OR2A5: variants seen among roughly 807,000 people sequenced by gnomAD.
The protein encoded by OR2A5 is olfactory receptor 2A5.
A neutral mutation model predicts 1.9 loss-of-function variants in OR2A5; 2 were observed. That is an observed-to-expected ratio of 1.04 (90% CI 0.43 to 3.28). The LOEUF (loss-of-function observed/expected upper bound fraction) is 3.28. Ranked by LOEUF, OR2A5 falls within the 30% of genes most tolerant of loss-of-function variation. The pLI is 0.08. For missense variants in OR2A5, 391 were observed against 375.9 expected (o/e 1.04, Z -0.33); for synonymous variants, 160 against 154.5 (o/e 1.04, Z -0.26).
Position 144,051,403 on chromosome 7 carries a change from G to A in OR2A5, c.*66G>A. The A allele has an allele frequency of 8.1e-7, 1 of 1,234,584 alleles. No individual in the cohort carries two copies. The highest frequency in any genetic ancestry group is 1.1e-6 in the Non-Finnish European group (1 of 874,638). The allele number at this position is 1,234,584 out of a possible 1,614,324, so 76.5% of individuals were successfully genotyped here. A position where few individuals can be genotyped will look rare whatever the true frequency, so the allele number is the denominator to read the frequency against. On this transcript the variant is annotated 3_prime_UTR_variant, in exon 2 of 2. Coordinates refer to ENST00000641693, the MANE Select transcript of OR2A5 (RefSeq NM_012365.2). ...CAATGAGATTTGTAGGAACAGTGGTGTAAATGCCTTACAGTCTCATCTCTT... is the reference window on the plus strand; with the variant it reads ...CAATGAGATTTGTAGGAACAGTGGTATAAATGCCTTACAGTCTCATCTCTT...
At position 144,050,944 on chromosome 7, in the gene OR2A5, C is replaced by T. The variant is rs753278713; in HGVS notation, c.543C>T (p.Ile181=). The T allele has an allele frequency of 1.2e-6, 2 of 1,614,078 alleles. No individual in the cohort carries two copies. ...PHEINHFFCE[I]LSVLKLACAD... is the part of the protein sequence containing the mutation. ...AAATCAACCACTTCTTCTGTGAAAT[C>T]CTGTCTGTCCTCAAGTTGGCCTGTG... Residue 181 remains isoleucine (I), a synonymous_variant, in exon 2 of 2, where the codon ATC becomes ATT. Transcript: ENST00000641693.
chr7:144,054,582 G>T lies in OR2A5; in HGVS notation c.*3245G>T, dbSNP rs2050926298. The T allele has an allele frequency of 6.6e-6, 1 of 152,104 alleles. No individual in the cohort carries two copies. 9.4% of individuals were successfully genotyped at this position (152,104 alleles called of 1,614,324 possible). A position where few individuals can be genotyped will look rare whatever the true frequency, so the allele number is the denominator to read the frequency against. ...TCTGTGCCTGTCTTTGTTTTTATTTGGTTGGTGATATTGGGGAAGGTCTCC... is the reference window on the plus strand; with the variant it reads ...TCTGTGCCTGTCTTTGTTTTTATTTTGTTGGTGATATTGGGGAAGGTCTCC... On this transcript the variant is annotated 3_prime_UTR_variant, in exon 2 of 2. Transcript: ENST00000641693.
Position 144,058,160 on chromosome 7 carries a change from G to C in OR2A5, c.*6823G>C, listed in dbSNP as rs2961117. 0.31 allele frequency: 46,421 copies of C among 152,028 alleles called. 7,610 individuals carry two copies. Among genetic ancestry groups the C allele is most frequent in the African/African-American group, 0.37 (15,455 of 41,416 alleles). The allele number at this position is 152,028 out of a possible 1,614,324, so 9.4% of individuals were successfully genotyped here. A position where few individuals can be genotyped will look rare whatever the true frequency, so the allele number is the denominator to read the frequency against. On this transcript the variant is annotated 3_prime_UTR_variant, in exon 2 of 2. Transcript: ENST00000641693. ...GTGATTACAGCCACATGAGTCACTG[G>C]TCAGCTCAGCGGCTATCCCGACCTG...
rs2050906906 is a variant in OR2A5, at chr7:144,051,532, G to A, written c.*195G>A. On this transcript the variant is annotated 3_prime_UTR_variant, in exon 2 of 2. Coordinates refer to ENST00000641693, the MANE Select transcript of OR2A5 (RefSeq NM_012365.2). Reference sequence around the variant, plus strand: ...GCAGACAGGCGCTGAGCCGTGTGGTGCAGCAGAGGTGCAAAGTGCCATGAA... The same window carrying A: ...GCAGACAGGCGCTGAGCCGTGTGGTACAGCAGAGGTGCAAAGTGCCATGAA... 7.1e-6 allele frequency: 4 copies of A among 564,906 alleles called. No individual in the cohort carries two copies. The highest frequency in any genetic ancestry group is 3.7e-5 in the African/African-American group (2 of 53,356). 35.0% of individuals were successfully genotyped at this position (564,906 alleles called of 1,614,324 possible). A position where few individuals can be genotyped will look rare whatever the true frequency, so the allele number is the denominator to read the frequency against.
At position 144,058,104 on chromosome 7, in the gene OR2A5, C is replaced by T. The variant is rs1286812156; in HGVS notation, c.*6767C>T. 1 of 152,240 alleles carries T rather than the reference C, an allele frequency of 6.6e-6. No individual in the cohort carries two copies. Among genetic ancestry groups the T allele is most frequent in the Non-Finnish European group, 1.5e-5 (1 of 68,046 alleles). The allele number at this position is 152,240 out of a possible 1,614,324, so 9.4% of individuals were successfully genotyped here. ...ATCCACTCCTCAGTGGCTTCACCAG[C>T]CTTTCAGCCAGATACAAGGCTGTTG... On this transcript the variant is annotated 3_prime_UTR_variant, in exon 2 of 2. Transcript: ENST00000641693.
rs192703295 is a variant in OR2A5, at chr7:144,054,805, C to A, written c.*3468C>A. ...AAATAATTAGTCCATAGCTTTGTTA[C>A]GTTCATTCTCCTACCCACACACTAA... On this transcript the variant is annotated 3_prime_UTR_variant, in exon 2 of 2. Transcript: ENST00000641693. 6.6e-6 allele frequency: 1 copy of A among 152,244 alleles called. No homozygotes were observed. The highest frequency in any genetic ancestry group is 1.9e-4 in the East Asian group (1 of 5,184). The allele number at this position is 152,244 out of a possible 1,614,324, so 9.4% of individuals were successfully genotyped here. A position where few individuals can be genotyped will look rare whatever the true frequency, so the allele number is the denominator to read the frequency against.
rs150907387 is a variant in OR2A5 at position 144,049,600 on chromosome 7, G to C, written c.-52+467G>C. Reference sequence around the variant, plus strand: ...AGAACCAGGGAAGCAGCCCTGCAAAGGGGTGGGGTGAAGGCAGGAATCAGA... The same window carrying C: ...AGAACCAGGGAAGCAGCCCTGCAAACGGGTGGGGTGAAGGCAGGAATCAGA... On this transcript the variant is annotated intron_variant, in intron 1 of 1. Coordinates refer to ENST00000641693, the MANE Select transcript of OR2A5 (RefSeq NM_012365.2). Among the ~76,000 whole-genome samples, 535 of 152,342 alleles carry C rather than the reference G, an allele frequency of 3.5e-3. 4 individuals carry two copies. Among genetic ancestry groups the C allele is most frequent in the African/African-American group, 0.013 (523 of 41,576 alleles).
chr7:144,050,281 GCACC>G (rs1249835774), intron 1 of OR2A5, 66 bp from the exon 2 acceptor site: 6 of 645,798 alleles, frequency 9.3e-6, no homozygotes, highest in Non-Finnish European at 1.6e-5. Flanking sequence ...GACTGAGTCA[GCACC>G]CTGTGTGCAC....
rs2050913974 is a variant in OR2A5 at position 144,052,565 on chromosome 7, T to C, written c.*1228T>C. The stretch of plus-strand genomic sequence containing the variant: ...ATCACTTCATATATTTCTTCTTCCA[T>C]GAAAGAAAGAAGCAAAGGGGGAACT... On this transcript the variant is annotated 3_prime_UTR_variant, in exon 2 of 2. Coordinates refer to ENST00000641693, the MANE Select transcript of OR2A5 (RefSeq NM_012365.2). 1 of 152,184 alleles carries C rather than the reference T, an allele frequency of 6.6e-6. No homozygotes were observed. 9.4% of individuals were successfully genotyped at this position (152,184 alleles called of 1,614,324 possible). A position where few individuals can be genotyped will look rare whatever the true frequency, so the allele number is the denominator to read the frequency against.
rs1359259976 is a variant in OR2A5 at position 144,051,240 on chromosome 7, T to C, written c.839T>C (p.Leu280Pro). The C allele has an allele frequency of 6.2e-7, 1 of 1,613,932 alleles. No individual in the cohort carries two copies. Residue 280 changes from leucine (L) to proline (P), a missense_variant, in exon 2 of 2, where the codon CTT becomes CCT. Physicochemically the swap from Leu to Pro is moderately conservative, Grantham distance 98. Coordinates refer to ENST00000641693, the MANE Select transcript of OR2A5 (RefSeq NM_012365.2). ...QQKVLSLFYS[L>P]FNPMLNPLIY... Reference sequence around the variant, plus strand: ...AAGGTCCTTTCCCTGTTTTACAGCCTTTTCAACCCGATGCTGAACCCCTTG... The same window carrying C: ...AAGGTCCTTTCCCTGTTTTACAGCCCTTTCAACCCGATGCTGAACCCCTTG...
In OR2A5 at chr7:144,051,562, T is replaced by C. The variant is rs1586880648; in HGVS notation, c.*225T>C. On this transcript the variant is annotated 3_prime_UTR_variant, in exon 2 of 2. Transcript: ENST00000641693. ...AGAGGTGCAAAGTGCCATGAACTCC[T>C]ACTCCCAGGTCCCACCCCTACCCAG... 2 of 493,496 alleles carry C rather than the reference T, an allele frequency of 4.1e-6. No individual in the cohort carries two copies. Among genetic ancestry groups the C allele is most frequent in the Non-Finnish European group, 7.1e-6 (2 of 280,676 alleles). The allele number at this position is 493,496 out of a possible 1,614,324, so 30.6% of individuals were successfully genotyped here. A position where few individuals can be genotyped will look rare whatever the true frequency, so the allele number is the denominator to read the frequency against.
At position 144,056,752 on chromosome 7, in the gene OR2A5, G is replaced by A. The variant is rs1180280023; in HGVS notation, c.*5415G>A. The A allele has an allele frequency of 2.0e-5, 3 of 149,048 alleles. No homozygotes were observed. Among genetic ancestry groups the A allele is most frequent in the African/African-American group, 7.4e-5 (3 of 40,430 alleles). 9.2% of individuals were successfully genotyped at this position (149,048 alleles called of 1,614,324 possible). On this transcript the variant is annotated 3_prime_UTR_variant, in exon 2 of 2. Transcript: ENST00000641693. ...AGAAAATAACAGATGGATCCCAAAA[G>A]ATAACAATTACAGAGCTTAGAAATA... is the stretch of plus-strand genomic sequence containing the variant.
At position 144,049,056 on chromosome 7, in the gene OR2A5, T is replaced by G. The variant is rs765719999; in HGVS notation, c.-129T>G. On this transcript the variant is annotated 5_prime_UTR_variant, in exon 1 of 2. Coordinates refer to ENST00000641693, the MANE Select transcript of OR2A5 (RefSeq NM_012365.2). ...GGAGCAAGATCCTCAGCTCTGGCCT[T>G]CAAAAGCTCCTGTGATCTCTGCACA... The G allele has an allele frequency of 2.6e-5, 4 of 152,320 alleles. No homozygotes were observed. Among genetic ancestry groups the G allele is most frequent in the Non-Finnish European group, 5.9e-5 (4 of 68,130 alleles). The allele number at this position is 152,320 out of a possible 1,614,324, so 9.4% of individuals were successfully genotyped here. A position where few individuals can be genotyped will look rare whatever the true frequency, so the allele number is the denominator to read the frequency against.
chr7:144,051,256 G>A lies in OR2A5; in HGVS notation c.855G>A (p.Leu285=), dbSNP rs749490469. The A allele has an allele frequency of 1.2e-6, 2 of 1,613,900 alleles. No individual in the cohort carries two copies. Among genetic ancestry groups the A allele is most frequent in the Non-Finnish European group, 8.5e-7 (1 of 1,179,850 alleles). The part of the protein sequence containing the change: ...SLFYSLFNPM[L]NPLIYSLRNA... ...TTTACAGCCTTTTCAACCCGATGCTGAACCCCTTGATCTATAGCCTGAGGA... is the reference window on the plus strand; with the variant it reads ...TTTACAGCCTTTTCAACCCGATGCTAAACCCCTTGATCTATAGCCTGAGGA... The change falls in exon 2 of 2, where the codon CTG becomes CTA. Residue 285 remains leucine (L), a synonymous_variant. Transcript: ENST00000641693.
chr7:144,052,619 C>T lies in OR2A5; in HGVS notation c.*1282C>T, dbSNP rs1360461798. 1 of 152,124 alleles carries T rather than the reference C, an allele frequency of 6.6e-6. No homozygotes were observed. Among genetic ancestry groups the T allele is most frequent in the African/African-American group, 2.4e-5 (1 of 41,426 alleles). The allele number at this position is 152,124 out of a possible 1,614,324, so 9.4% of individuals were successfully genotyped here. On this transcript the variant is annotated 3_prime_UTR_variant, in exon 2 of 2. Coordinates refer to ENST00000641693, the MANE Select transcript of OR2A5 (RefSeq NM_012365.2). Reference sequence around the variant, plus strand: ...TCCTCCCACCCCCTCTCCAAATGCACTGTTTTCTTTTCAGTTCTCAAAAAG... The same window carrying T: ...TCCTCCCACCCCCTCTCCAAATGCATTGTTTTCTTTTCAGTTCTCAAAAAG...
Position 144,050,254 on chromosome 7 carries a change from C to T in OR2A5, c.-51-97C>T, listed in dbSNP as rs2050890032. ...TGGATTAAAGGATTTGGCATAATGG[C>T]TCCGAAAAACCTTGCTGACTGAGTC... On this transcript the variant is annotated intron_variant, in intron 1 of 1. Coordinates refer to ENST00000641693, the MANE Select transcript of OR2A5 (RefSeq NM_012365.2). 7 of 545,010 alleles carry T rather than the reference C, an allele frequency of 1.3e-5. No individual in the cohort carries two copies. The East Asian group carries it at 1.7e-4, about 13-fold the overall frequency. The allele number at this position is 545,010 out of a possible 1,614,324, so 33.8% of individuals were successfully genotyped here.
At chr7:144,050,330 G>A (rs1022730076) in intron 1 of OR2A5, 21 bp from the exon 2 acceptor site, 16 of 985,924 alleles carry the variant, frequency 1.6e-5, no homozygotes, top group African/African-American at 8.1e-5. Flanking sequence ...TGACTAATCC[G>A]GATCTGCATT....
Position 144,051,243 on chromosome 7 carries a change from T to A in OR2A5, c.842T>A (p.Phe281Tyr). The A allele has an allele frequency of 6.2e-7, 1 of 1,613,970 alleles. No homozygotes were observed. The highest frequency in any genetic ancestry group is 1.1e-5 in the South Asian group (1 of 91,046). ...QKVLSLFYSLFNPMLNPLIYS... is the reference protein window; with the variant it reads ...QKVLSLFYSLYNPMLNPLIYS... ...GTCCTTTCCCTGTTTTACAGCCTTT[T>A]CAACCCGATGCTGAACCCCTTGATC... The change falls in exon 2 of 2, where the codon TTC becomes TAC. Residue 281 changes from phenylalanine (F) to tyrosine (Y), a missense_variant. Phe to Tyr is a conservative substitution (Grantham distance 22). Transcript: ENST00000641693.
chr7:144,051,072 C>A lies in OR2A5; in HGVS notation c.671C>A (p.Ala224Asp). The A allele has an allele frequency of 4.3e-6, 7 of 1,614,188 alleles. No individual in the cohort carries two copies. Among genetic ancestry groups the A allele is most frequent in the African/African-American group, 1.3e-5 (1 of 75,068 alleles). The change falls in exon 2 of 2, where the codon GCC (alanine) becomes GAC (aspartate). Residue 224 changes from alanine to aspartate, a missense_variant. Ala to Asp is a moderately radical substitution (Grantham distance 126). Coordinates refer to ENST00000641693, the MANE Select transcript of OR2A5 (RefSeq NM_012365.2). ...VLVSYSRILA[A>D]ILRIQSGEGR... is the part of the protein sequence containing the mutation. ...GTCTCCTACTCGCGCATCCTGGCGG[C>A]CATCTTGAGGATCCAGTCTGGGGAG...
Sources: gnomAD v4.1 joint callset for allele counts (sites outside exome capture counted in the v4.1 genomes callset) on GRCh38, gnomAD v4.1.1 for gene constraint, MANE v1.5 for transcripts, NCBI Gene and HGNC (gene_info 2026-07-23, HGNC 2026-07-21) for gene names.